NEGR1: variants seen among roughly 807,000 people sequenced by gnomAD.
NEGR1 encodes the protein neuronal growth regulator 1, also known as IgLON family member 4.
Under a neutral mutation model 40.9 loss-of-function variants are expected in NEGR1, and 10 were observed. The ratio of observed to expected loss-of-function variants is 0.24; its 90% confidence interval spans 0.15 to 0.42. The LOEUF is 0.42. NEGR1 is among the 10% of genes least tolerant of loss of function. The pLI is 1.00. For synonymous variants in NEGR1, 185 were observed against 166.8 expected (o/e 1.11, Z -0.84); for missense variants, 352 against 438.9 (o/e 0.80, Z 1.77).
At chr1:72,144,051 A>T (rs574046335) in intron 1 of NEGR1, among the ~76,000 whole-genome samples, 1 of 135,384 alleles carries the variant, frequency 7.4e-6, no homozygotes, top group Non-Finnish European at 1.6e-5. Flanking sequence ...GAAGTATTAT[A>T]TCCCTCAAAT....
intron 1 of NEGR1, among the ~76,000 whole-genome samples, chr1:72,160,996 T>C (rs1422796531): frequency 1.3e-5 from 2 of 152,172 alleles, no homozygotes; most frequent in African/African-American, 2.4e-5. Flanking sequence ...AGAACTTCTG[T>C]GTTTAATAGG....
intron 6 of NEGR1, among the ~76,000 whole-genome samples, chr1:71,546,084 T>A (rs745763202): frequency 2.4e-4 from 37 of 151,864 alleles, no homozygotes; most frequent in Non-Finnish European, 4.9e-4. Flanking sequence ...TTTTGTTTAA[T>A]TGACACAACA....
chr1:71,486,136 CCATTCTAGTA>C (rs1344674695), intron 6 of NEGR1, among the ~76,000 whole-genome samples: 1 of 151,604 alleles, frequency 6.6e-6, no homozygotes, highest in East Asian at 1.9e-4. Context: ...TAGATTTCGG[CCATTCTAGTA>C]AGTGTGTAGT....
intron 3 of NEGR1, among the ~76,000 whole-genome samples, chr1:71,721,246 T>G (rs2101653508): frequency 6.6e-6 from 1 of 152,178 alleles, no homozygotes; most frequent in East Asian, 1.9e-4. Context: ...CCCTTGTCCT[T>G]GATTCTCAAA....
rs1249741650 is a variant in NEGR1 at position 72,133,786 on chromosome 1, A to G, written c.176+148533T>C. ...TAATATAGAAAAAATAATTAATTAT[A>G]TATTATATTTCAGTCATATATTATC... On this transcript the variant is annotated intron_variant, in intron 1 of 6. Coordinates refer to ENST00000357731, the MANE Select transcript of NEGR1 (RefSeq NM_173808.3). 1.1e-3 allele frequency among the ~76,000 whole-genome samples: 162 copies of G among 151,654 alleles called. 1 individual carries two copies. The highest frequency in any genetic ancestry group is 2.9e-5 in the Non-Finnish European group (2 of 67,834).
intron 4 of NEGR1, among the ~76,000 whole-genome samples, chr1:71,633,976 G>A (rs1211309954): frequency 6.6e-6 from 1 of 152,000 alleles, no homozygotes; most frequent in Non-Finnish European, 1.5e-5. Flanking sequence ...AACAAGGAGT[G>A]GAATTTAAGG....
chr1:72,191,395 T>C (rs1257599703), intron 1 of NEGR1, among the ~76,000 whole-genome samples: 1 of 151,730 alleles, frequency 6.6e-6, no homozygotes, highest in Non-Finnish European at 1.5e-5. Flanking sequence ...TATGCTGAGA[T>C]CATAATACAC....
chr1:71,757,553 G>A (rs532733403), intron 3 of NEGR1, among the ~76,000 whole-genome samples: 1 of 152,070 alleles, frequency 6.6e-6, no homozygotes, highest in African/African-American at 2.4e-5. Flanking sequence ...CTTTTCTTTT[G>A]TTCTTAATTT....
intron 1 of NEGR1, among the ~76,000 whole-genome samples, chr1:72,133,312 AT>A (rs1650327322): frequency 6.6e-6 from 1 of 152,142 alleles, no homozygotes; most frequent in Non-Finnish European, 1.5e-5. Flanking sequence ...TACTTTGTAC[AT>A]GCAGAATATA....
intron 1 of NEGR1, among the ~76,000 whole-genome samples, chr1:71,983,108 C>T (rs1301690732): frequency 2.0e-5 from 3 of 152,016 alleles, no homozygotes; most frequent in Non-Finnish European, 4.4e-5. Context: ...ATACAGAAAA[C>T]AACATGGGTC....
intron 4 of NEGR1, among the ~76,000 whole-genome samples, chr1:71,690,619 CAGAGAGAGAGAGAGAGAGAGAGAG>C (rs59019409): frequency 8.9e-5 from 6 of 67,648 alleles, no homozygotes. Context: ...TAGAGGGAGA[CAGAGAGAGAGAGAGAGAGAGAGAG>C]AGAGAGAGAG....
At chr1:72,051,342 A>G (rs189809844) in intron 1 of NEGR1, among the ~76,000 whole-genome samples, 1 of 151,532 alleles carries the variant, frequency 6.6e-6, no homozygotes, top group Non-Finnish European at 1.5e-5. Context: ...TCCAATATAA[A>G]TATATTTGTT....
chr1:72,222,052 T>G (rs1422866699), intron 1 of NEGR1, among the ~76,000 whole-genome samples: 2 of 151,958 alleles, frequency 1.3e-5, no homozygotes, highest in Non-Finnish European at 2.9e-5. Context: ...ATCAGGCCAG[T>G]ACCTGTGAAC....
intron 6 of NEGR1, among the ~76,000 whole-genome samples, chr1:71,498,344 T>C (rs1433386582): frequency 3.3e-5 from 5 of 152,028 alleles, no homozygotes; most frequent in Non-Finnish European, 7.4e-5. Context: ...TATTATTCTA[T>C]GAAGTGAAAA....
chr1:71,433,301 C>T (rs551443665), intron 6 of NEGR1, among the ~76,000 whole-genome samples: 4 of 152,170 alleles, frequency 2.6e-5, no homozygotes, highest in Non-Finnish European at 5.9e-5. Flanking sequence ...TGTAGCCAAA[C>T]AAATTAACGT....
chr1:71,449,377 TAAAAC>T (rs749268190), intron 6 of NEGR1, among the ~76,000 whole-genome samples: 3 of 152,206 alleles, frequency 2.0e-5, no homozygotes, highest in Non-Finnish European at 1.5e-5. Flanking sequence ...ATGGAAAAGA[TAAAAC>T]AAAACTGCAT....
At chr1:71,827,396 C>A (rs971971128) in intron 2 of NEGR1, among the ~76,000 whole-genome samples, 4 of 151,716 alleles carry the variant, frequency 2.6e-5, no homozygotes, top group African/African-American at 9.7e-5. Context: ...CTCTTACCAA[C>A]AAGAATCTTG....
chr1:71,795,022 T>A (rs1386539998), intron 2 of NEGR1, among the ~76,000 whole-genome samples: 2 of 151,928 alleles, frequency 1.3e-5, no homozygotes, highest in Admixed American at 6.6e-5. Flanking sequence ...GGCAGAAAAA[T>A]TTAAATTAAA....
chr1:71,649,336 T>G (rs1304917767), intron 4 of NEGR1, among the ~76,000 whole-genome samples: 1 of 152,024 alleles, frequency 6.6e-6, no homozygotes, highest in East Asian at 1.9e-4. Context: ...GACCCAGGAA[T>G]TCCAATTCAA....
Sources: gnomAD v4.1 joint callset for allele counts (sites outside exome capture counted in the v4.1 genomes callset) on GRCh38, gnomAD v4.1.1 for gene constraint, MANE v1.5 for transcripts, NCBI Gene and HGNC (gene_info 2026-07-23, HGNC 2026-07-21) for gene names.